DIXDC1: variants seen among roughly 807,000 people sequenced by gnomAD.
The protein encoded by DIXDC1 is dixin.
In DIXDC1, 64 loss-of-function variants were observed where a neutral mutation model predicts 103.1. The ratio of observed to expected loss-of-function variants is 0.62; its 90% CI spans 0.51 to 0.76. The LOEUF (loss-of-function observed/expected upper bound fraction) is 0.76, where lower values mean the gene tolerates loss of function less well. Ranked by LOEUF, DIXDC1 falls within the 30% of genes least tolerant of loss-of-function variation. The probability of loss-of-function intolerance (pLI) is 0.00; values close to 1 mark genes in which losing one functional copy is unlikely to be tolerated. For synonymous variants in DIXDC1, 266 were observed against 298.5 expected (o/e 0.89, Z 1.12); for missense variants, 759 against 834.2 (o/e 0.91, Z 1.11).
chr11:111,977,355 G>A lies in DIXDC1; in HGVS notation c.656+2372G>A. Reference sequence around the variant, plus strand: ...GGGATCGCCGCTGGGGACTCGAGGCGCAGCCTGCGCCGCCGGGAGCCTCCC... The same window carrying A: ...GGGATCGCCGCTGGGGACTCGAGGCACAGCCTGCGCCGCCGGGAGCCTCCC... On this transcript the variant is annotated intron_variant, in intron 5 of 19. Transcript: ENST00000440460. This position sits in a 1 kb window ranked among gnomAD's most constrained non-coding sequence, Gnocchi z 6.1. 3 of 1,065,994 alleles carry A rather than the reference G, an allele frequency of 2.8e-6. No homozygotes were observed. The highest frequency in any genetic ancestry group is 1.0e-4 in the East Asian group (1 of 9,746). The allele number at this position is 1,065,994 out of a possible 1,614,324, so 66.0% of individuals were successfully genotyped here.
chr11:111,967,743 A>G (rs1555171718), intron 2 of DIXDC1, among the ~76,000 whole-genome samples: 2 of 152,354 alleles, frequency 1.3e-5, no homozygotes, highest in African/African-American at 4.8e-5. Flanking sequence ...CTGCCAGTCA[A>G]CTTTTAAAAA....
chr11:112,019,893 C>T lies in DIXDC1; in HGVS notation c.*857C>T, dbSNP rs1175094161. 1.3e-5 allele frequency: 2 copies of T among 152,084 alleles called. No homozygotes were observed. Among genetic ancestry groups the T allele is most frequent in the East Asian group, 3.9e-4 (2 of 5,184 alleles). 9.4% of individuals were successfully genotyped at this position (152,084 alleles called of 1,614,324 possible). On this transcript the variant is annotated 3_prime_UTR_variant, in exon 20 of 20. Transcript: ENST00000440460. ...CTGCTACCCATATCTTTTTGACTTT[C>T]TTTGTTTCATGACTTTAACTCATGG... is the stretch of plus-strand genomic sequence containing the variant.
chr11:111,975,023 C>T (rs1202009462), intron 5 of DIXDC1, 40 bp downstream of exon 5: 41 of 1,579,430 alleles, frequency 2.6e-5, no homozygotes, highest in Admixed American at 3.7e-5. Flanking sequence ...GGAGGATTCT[C>T]GGAGTTCTCG....
Position 112,020,308 on chromosome 11 carries a change from A to G in DIXDC1, c.*1272A>G, listed in dbSNP as rs587757122. ...GCAGTCTATCTGCCTGTGACCTCCAATGTACACTGCCAAACACAAGAGTAG... is the reference window on the plus strand; with the variant it reads ...GCAGTCTATCTGCCTGTGACCTCCAGTGTACACTGCCAAACACAAGAGTAG... On this transcript the variant is annotated 3_prime_UTR_variant, in exon 20 of 20. Transcript: ENST00000440460. The G allele has an allele frequency of 9.3e-4, 142 of 152,742 alleles. 1 individual carries two copies. Among genetic ancestry groups the G allele is most frequent in the African/African-American group, 3.0e-3 (126 of 41,554 alleles). 9.5% of individuals were successfully genotyped at this position (152,742 alleles called of 1,614,324 possible).
chr11:111,996,346 C>A, intron 17 of DIXDC1, 200 bp downstream of exon 17: 1 of 457,536 alleles, frequency 2.2e-6, no homozygotes, highest in South Asian at 3.0e-5. Context: ...TGCCATTTAG[C>A]CACGTGCAGG....
intron 7 of DIXDC1, among the ~76,000 whole-genome samples, chr11:111,983,109 G>C (rs1860371983): frequency 1.3e-5 from 2 of 152,118 alleles, no homozygotes; most frequent in South Asian, 4.1e-4. Context: ...CCTCATTCTT[G>C]TCTTTGTGTG....
At chr11:111,972,172 T>G (rs1859958464) in intron 3 of DIXDC1, among the ~76,000 whole-genome samples, 1 of 152,184 alleles carries the variant, frequency 6.6e-6, no homozygotes, top group Non-Finnish European at 1.5e-5. Context: ...TTCCAAGACT[T>G]GTATATTTAA....
chr11:111,948,360 A>G (rs1320212395), intron 1 of DIXDC1, among the ~76,000 whole-genome samples: 4 of 152,136 alleles, frequency 2.6e-5, no homozygotes, highest in Non-Finnish European at 4.4e-5. Context: ...CTTAAGGCTT[A>G]TCCACTGTCT....
chr11:111,980,980 G>A, intron 6 of DIXDC1, 131 bp downstream of exon 6: 1 of 629,210 alleles, frequency 1.6e-6, no homozygotes, highest in Non-Finnish European at 2.7e-6. Context: ...CAGCACTAGA[G>A]GGCTCTAATG....
chr11:111,975,637 C>T (rs1592584947), intron 5 of DIXDC1: 2 of 985,754 alleles, frequency 2.0e-6, no homozygotes, highest in East Asian at 2.3e-4. Flanking sequence ...TCTATAAACA[C>T]TCCCCAGATC....
intron 1 of DIXDC1, among the ~76,000 whole-genome samples, chr11:111,952,486 G>A (rs1966840423): frequency 6.6e-6 from 1 of 152,080 alleles, no homozygotes; most frequent in Non-Finnish European, 1.5e-5. Context: ...GAGGCCAGAA[G>A]TTCTAGCCTG....
intron 3 of DIXDC1, 147 bp downstream of exon 3, chr11:111,968,785 A>AT (rs1285474976): frequency 2.7e-6 from 3 of 1,095,400 alleles, no homozygotes; most frequent in East Asian, 5.8e-5. Flanking sequence ...CATGATTATT[A>AT]TTTTTTGCGA....
chr11:111,949,470 G>A (rs1411872052), intron 1 of DIXDC1, among the ~76,000 whole-genome samples: 6 of 152,144 alleles, frequency 3.9e-5, no homozygotes, highest in Non-Finnish European at 7.3e-5. Flanking sequence ...GCTTGTTTCT[G>A]GAGTTTGTCC....
intron 5 of DIXDC1, among the ~76,000 whole-genome samples, chr11:111,978,817 A>G (rs898640975): frequency 2.6e-5 from 4 of 152,206 alleles, no homozygotes; most frequent in African/African-American, 9.6e-5. Flanking sequence ...CAGCTCTTGC[A>G]GGCCGCTTTC....
chr11:111,955,987 T>TGC (rs1555170526), intron 1 of DIXDC1, among the ~76,000 whole-genome samples: 1 of 142,534 alleles, frequency 7.0e-6, no homozygotes, highest in Non-Finnish European at 1.5e-5. Context: ...TATATATGTG[T>TGC]ACACACACAC....
intron 3 of DIXDC1, among the ~76,000 whole-genome samples, chr11:111,972,032 C>T (rs1368628252): frequency 2.6e-5 from 4 of 152,112 alleles, no homozygotes; most frequent in East Asian, 1.9e-4. Context: ...GCTCACTATC[C>T]GGATGATGAG....
At chr11:111,929,134 G>A (rs587648706) in intron 1 of DIXDC1, among the ~76,000 whole-genome samples, 10 of 152,234 alleles carry the variant, frequency 6.6e-5, no homozygotes, top group African/African-American at 2.2e-4. Context: ...AGCCGAGCTC[G>A]TGCCACCGCA....
intron 1 of DIXDC1, among the ~76,000 whole-genome samples, chr11:111,951,247 G>A (rs1266050179): frequency 6.6e-6 from 1 of 152,036 alleles, no homozygotes; most frequent in African/African-American, 2.4e-5. Context: ...TTCTATAGAA[G>A]AATTAGAGAA....
intron 1 of DIXDC1, among the ~76,000 whole-genome samples, chr11:111,955,398 A>G (rs1401771116): frequency 6.6e-6 from 1 of 151,824 alleles, no homozygotes; most frequent in African/African-American, 2.4e-5. Context: ...AGAATGAGGA[A>G]TAGCTGATCC....
Sources: gnomAD v4.1 joint callset for allele counts (sites outside exome capture counted in the v4.1 genomes callset) on GRCh38, gnomAD v4.1.1 for gene constraint, Gnocchi (gnomAD v3.1) non-coding constraint, MANE v1.5 for transcripts, NCBI Gene and HGNC (gene_info 2026-07-23, HGNC 2026-07-21) for gene names.